Variants in AP3B2 observed in about 807,000 individuals in gnomAD.
The protein encoded by AP3B2 is adaptor related protein complex 3 subunit beta 2.
AP3B2 carries 50 observed loss-of-function variants against 126.9 expected under a neutral mutation model. The ratio of observed to expected loss-of-function variants is 0.39; its 90% CI spans 0.31 to 0.50. The LOEUF (loss-of-function observed/expected upper bound fraction) is 0.50. Among genes scored for constraint, AP3B2 ranks in the 20% least tolerant of loss-of-function variants. The probability of loss-of-function intolerance (pLI) is 0.79; values close to 1 mark genes in which losing one functional copy is unlikely to be tolerated. For synonymous variants in AP3B2, 541 were observed against 565.0 expected, an observed-to-expected ratio of 0.96 and a Z score of 0.60; for missense variants, 1,177 against 1,426.4, an observed-to-expected ratio of 0.83 and a Z score of 2.82.
At position 82,664,251 on chromosome 15, in the gene AP3B2, A is replaced by G; in HGVS notation, c.2261+116T>C. 2.0e-6 allele frequency: 3 copies of G among 1,504,906 alleles called. No homozygotes were observed. The highest frequency in any genetic ancestry group is 2.7e-6 in the Non-Finnish European group (3 of 1,106,316). The allele number at this position is 1,504,906 out of a possible 1,614,324, so 93.2% of individuals were successfully genotyped here. On this transcript the variant is annotated intron_variant, in intron 19 of 26. Coordinates refer to ENST00000535359, the MANE Select transcript of AP3B2 (RefSeq NM_001278512.2). This position sits in a 1 kb window ranked among gnomAD's most constrained non-coding sequence, Gnocchi z 4.5. Reference sequence around the variant, plus strand: ...AGGCGTCATGTGAGCTGACAGCCCCACCCAGCTCACGAGGGGCTCAGGGGC... The same window carrying G: ...AGGCGTCATGTGAGCTGACAGCCCCGCCCAGCTCACGAGGGGCTCAGGGGC...
At chr15:82,671,995 G>A (rs548676182) in intron 14 of AP3B2, among the ~76,000 whole-genome samples, 1 of 152,256 alleles carries the variant, frequency 6.6e-6, no homozygotes, top group Non-Finnish European at 1.5e-5. Flanking sequence ...AGTGAGCTGA[G>A]ATCATGCCAT....
At chr15:82,690,346 T>C (rs748557436) in intron 1 of AP3B2, among the ~76,000 whole-genome samples, 5 of 152,136 alleles carry the variant, frequency 3.3e-5, no homozygotes, top group Non-Finnish European at 5.9e-5. Context: ...GTTGGTGTGC[T>C]GCACCCATTA....
At position 82,659,677 on chromosome 15, in the gene AP3B2, G is replaced by C; in HGVS notation, c.3189C>G (p.Leu1063=). The C allele has an allele frequency of 6.2e-7, 1 of 1,613,912 alleles. No homozygotes were observed. Among genetic ancestry groups the C allele is most frequent in the Non-Finnish European group, 8.5e-7 (1 of 1,179,872 alleles). The change falls in exon 27 of 27, where the codon CTC becomes CTG. Residue 1063 remains leucine (L), a synonymous_variant. Coordinates refer to ENST00000535359, the MANE Select transcript of AP3B2 (RefSeq NM_001278512.2). ...GCCGGGCATCCAGGGTCAGCAGAAC[G>C]AGGCTTCCACCAGTCAGTGTCCTCC... is the stretch of plus-strand genomic sequence containing the variant. ...FAGRTLTGGS[L]VLLTLDARPA...
At chr15:82,696,616 G>A (rs1596195305) in intron 1 of AP3B2, among the ~76,000 whole-genome samples, 1 of 152,118 alleles carries the variant, frequency 6.6e-6, no homozygotes, top group African/African-American at 2.4e-5. Context: ...CATGTATAAG[G>A]TCTCTTTGCA....
At chr15:82,670,188 C>T (rs933296143) in intron 14 of AP3B2, among the ~76,000 whole-genome samples, 37 of 142,934 alleles carry the variant, frequency 2.6e-4, no homozygotes, top group African/African-American at 9.6e-4. Context: ...TGGCTCACTG[C>T]AACCTCCGCC....
intron 1 of AP3B2, among the ~76,000 whole-genome samples, chr15:82,708,359 T>C (rs1314204485): frequency 2.0e-5 from 3 of 152,034 alleles, no homozygotes; most frequent in African/African-American, 4.8e-5. Context: ...AGCTTTATTG[T>C]TCAAAGCCTG....
At chr15:82,687,268 T>C (rs1466061131) in intron 4 of AP3B2, 1 of 152,228 alleles carries the variant, frequency 6.6e-6, no homozygotes, top group African/African-American at 2.4e-5. Flanking sequence ...CCACGCCCAC[T>C]TGTCAATGGC....
At chr15:82,700,721 T>C (rs2048708504) in intron 1 of AP3B2, among the ~76,000 whole-genome samples, 2 of 151,540 alleles carry the variant, frequency 1.3e-5, no homozygotes, top group African/African-American at 4.8e-5. Flanking sequence ...TTCATTGTAT[T>C]TGAAACCCCT....
chr15:82,706,665 C>T (rs951777890), intron 1 of AP3B2, among the ~76,000 whole-genome samples: 38 of 152,182 alleles, frequency 2.5e-4, no homozygotes, highest in Admixed American at 5.9e-4. Context: ...TCTTCCCACA[C>T]AAGGCAAATG....
chr15:82,709,239 T>C (rs918700863), intron 1 of AP3B2, among the ~76,000 whole-genome samples: 10 of 152,076 alleles, frequency 6.6e-5, no homozygotes, highest in African/African-American at 2.4e-4. Flanking sequence ...CTCCCCCACA[T>C]TTTTGGGAAG....
chr15:82,690,588 C>CT (rs1418649762), intron 1 of AP3B2, among the ~76,000 whole-genome samples: 3 of 148,646 alleles, frequency 2.0e-5, no homozygotes, highest in Non-Finnish European at 3.0e-5. Flanking sequence ...CGAACTCATC[C>CT]TTTTTTATGG....
intron 4 of AP3B2, chr15:82,685,277 C>G (rs2048407525): frequency 6.6e-6 from 1 of 152,142 alleles, no homozygotes; most frequent in African/African-American, 2.4e-5. Context: ...AAAAATGGCA[C>G]TGATAGACTT....
In AP3B2 at chr15:82,663,217, G is replaced by A; in HGVS notation, c.2514C>T (p.Val838=). ...CAATTGCTGGGGGAGACACAGGCTG[G>A]ACACTGGGAGGGGTGACTGTGGGAG... ...LDLEDFTPPS[V]QPVSPPAIVS... Residue 838 remains valine, a synonymous_variant, in exon 22 of 27, where the codon GTC becomes GTT. Transcript: ENST00000535359. 6.2e-7 allele frequency: 1 copy of A among 1,612,958 alleles called. No individual in the cohort carries two copies. The highest frequency in any genetic ancestry group is 8.5e-7 in the Non-Finnish European group (1 of 1,179,662).
intron 1 of AP3B2, among the ~76,000 whole-genome samples, chr15:82,694,474 T>C (rs2048602329): frequency 6.6e-6 from 1 of 151,808 alleles, no homozygotes; most frequent in Non-Finnish European, 1.5e-5. Flanking sequence ...TTGCTTGAGC[T>C]CAGGAGTTGG....
intron 13 of AP3B2, 37 bp from the exon 14 acceptor site, chr15:82,676,674 C>G (rs189346264): frequency 6.2e-7 from 1 of 1,605,632 alleles, no homozygotes; most frequent in Admixed American, 1.7e-5. Context: ...TGGGTAAATA[C>G]GGGAAAGTGG....
intron 14 of AP3B2, among the ~76,000 whole-genome samples, chr15:82,676,241 G>A (rs1596177921): frequency 6.6e-6 from 1 of 152,168 alleles, no homozygotes; most frequent in African/African-American, 2.4e-5. Context: ...GGAGGTCACA[G>A]CTTCATAGGA....
chr15:82,700,319 T>G (rs2151459703), intron 1 of AP3B2, among the ~76,000 whole-genome samples: 1 of 148,560 alleles, frequency 6.7e-6, no homozygotes, highest in East Asian at 2.0e-4. Flanking sequence ...CCTGTGTCTA[T>G]CCCTCCAACT....
chr15:82,669,304 T>TA (rs2048110009), intron 14 of AP3B2, among the ~76,000 whole-genome samples: 1 of 152,250 alleles, frequency 6.6e-6, no homozygotes, highest in Non-Finnish European at 1.5e-5. Flanking sequence ...TTGCAGATGA[T>TA]ATGATCTTAT....
Position 82,677,321 on chromosome 15 carries a change from G to C in AP3B2, c.1441C>G (p.His481Asp). ...KKLLQMQPAQ[H>D]GEIIKHLAKL... Reference sequence around the variant, plus strand: ...GCCAAGTGTTTGATGATCTCTCCATGTTGTGCTGGCTGCATCTGTAGCAAT... The same window carrying C: ...GCCAAGTGTTTGATGATCTCTCCATCTTGTGCTGGCTGCATCTGTAGCAAT... The change falls in exon 13 of 27, where the codon CAT becomes GAT. Residue 481 changes from histidine (H) to aspartate (D), a missense_variant. By Grantham distance (81) the His-to-Asp change is moderately conservative (BLOSUM62 -1). Around this residue, in one of 5 missense-constraint regions of AP3B2, gnomAD observed 308 missense variants for 452.4 expected, o/e 0.68. Coordinates refer to ENST00000535359, the MANE Select transcript of AP3B2 (RefSeq NM_001278512.2). 1 of 1,613,962 alleles carries C rather than the reference G, an allele frequency of 6.2e-7. No individual in the cohort carries two copies. Among genetic ancestry groups the C allele is most frequent in the East Asian group, 2.2e-5 (1 of 44,882 alleles).
Sources: allele counts gnomAD v4.1 joint callset (sites outside exome capture counted in the v4.1 genomes callset), GRCh38; gene constraint gnomAD v4.1.1; regional missense constraint gnomAD v4.1.1; non-coding constraint Gnocchi (gnomAD v3.1); transcripts MANE v1.5; gene names NCBI Gene and HGNC (gene_info 2026-07-23, HGNC 2026-07-21).